Variants in PFKFB3 observed in about 807,000 individuals in gnomAD.
The protein encoded by PFKFB3 is 6-phosphofructo-2-kinase/fructose-2,6-bisphosphatase 3.
Under a neutral mutation model 68.0 loss-of-function variants are expected in PFKFB3, and 33 were observed. The observed-to-expected ratio is 0.49, with a 90% CI of 0.37 to 0.65. The LOEUF is 0.65. Ranked by LOEUF, PFKFB3 falls within the 30% of genes least tolerant of loss-of-function variation. The pLI is 0.00. For synonymous variants in PFKFB3, 315 were observed against 288.2 expected (o/e 1.09, Z -0.94); for missense variants, 586 against 712.2 (o/e 0.82, Z 2.02).
At chr10:6,224,594 CCTCA>C in intron 13 of PFKFB3, 1 of 416,064 alleles carries the variant, frequency 2.4e-6, no homozygotes, top group South Asian at 1.7e-5. Context: ...GATCCTCCCG[CCTCA>C]GCCTCCCGCG....
chr10:6,246,325 T>A (rs1256736635), intron 14 of PFKFB3, among the ~76,000 whole-genome samples: 1 of 145,980 alleles, frequency 6.9e-6, no homozygotes, highest in Non-Finnish European at 1.5e-5. Flanking sequence ...TTATTTATTT[T>A]ATTTATTATT....
At chr10:6,186,262 C>T (rs1392359147) in intron 1 of PFKFB3, among the ~76,000 whole-genome samples, 1 of 152,170 alleles carries the variant, frequency 6.6e-6, no homozygotes, top group Non-Finnish European at 1.5e-5. Context: ...ACTGGACCAG[C>T]AGTGGCTTAA....
At chr10:6,182,385 G>A (rs556689632) in intron 1 of PFKFB3, among the ~76,000 whole-genome samples, 1 of 152,304 alleles carries the variant, frequency 6.6e-6, no homozygotes, top group East Asian at 1.9e-4. Context: ...CAAACAAGTT[G>A]TCCTGCACCT....
chr10:6,307,031 T>C, the PFKFB3 span, among the ~76,000 whole-genome samples: 1 of 152,140 alleles, frequency 6.6e-6, no homozygotes, highest in African/African-American at 2.4e-5. Context: ...CTGATGTGGG[T>C]GGGCCTTGTC....
At chr10:6,199,031 A>G (rs2131842825), upstream of PFKFB3, among the ~76,000 whole-genome samples, 1 of 152,364 alleles carries the variant, frequency 6.6e-6, no homozygotes, top group South Asian at 2.1e-4. Context: ...TGAGTTACAA[A>G]TAATTTATTG....
intron 1 of PFKFB3, among the ~76,000 whole-genome samples, chr10:6,206,234 C>T (rs983359883): frequency 6.2e-5 from 9 of 144,772 alleles, no homozygotes; most frequent in African/African-American, 2.3e-4. Flanking sequence ...CCTGAGTGGA[C>T]ACAGCACATG....
At chr10:6,150,769 G>A (rs368278700) in intron 1 of PFKFB3, among the ~76,000 whole-genome samples, 2 of 151,894 alleles carry the variant, frequency 1.3e-5, no homozygotes. Context: ...AGGCCGAGGC[G>A]AGTGGATCAC....
At chr10:6,239,625 T>C (rs1846096327), downstream of PFKFB3, among the ~76,000 whole-genome samples, 1 of 152,192 alleles carries the variant, frequency 6.6e-6, no homozygotes, top group Non-Finnish European at 1.5e-5. Flanking sequence ...TCCCTACCTC[T>C]TCCAGACAGC....
chr10:6,254,111 T>C, intron 14 of PFKFB3: 1 of 387,422 alleles, frequency 2.6e-6, no homozygotes. Context: ...TTTTTTTTTT[T>C]TTTTCTCTTT....
Position 6,203,084 on chromosome 10 carries a change from C to A in PFKFB3, c.-177C>A. ...CTCGCAGCACACGTCGAGCCCCGCACAGGCGAGGGTCCGGAACTTAGCCCA... is the reference window on the plus strand; with the variant it reads ...CTCGCAGCACACGTCGAGCCCCGCAAAGGCGAGGGTCCGGAACTTAGCCCA... On this transcript the variant is annotated 5_prime_UTR_variant, in exon 1 of 15. Transcript: ENST00000379775. 7.0e-7 allele frequency: 1 copy of A among 1,423,772 alleles called. No individual in the cohort carries two copies. The highest frequency in any genetic ancestry group is 1.5e-5 in the South Asian group (1 of 66,012). 88.2% of individuals were successfully genotyped at this position (1,423,772 alleles called of 1,614,324 possible). A position where few individuals can be genotyped will look rare whatever the true frequency, so the allele number is the denominator to read the frequency against.
chr10:6,270,337 A>G, the PFKFB3 span, among the ~76,000 whole-genome samples: 1 of 152,194 alleles, frequency 6.6e-6, no homozygotes, highest in African/African-American at 2.4e-5. Context: ...AGTATAAGTT[A>G]CCTAATATTA....
At chr10:6,265,458 CAA>C in the PFKFB3 span, among the ~76,000 whole-genome samples, 13 of 152,074 alleles carry the variant, frequency 8.5e-5, no homozygotes, top group African/African-American at 1.4e-4. Flanking sequence ...GTTATTTTAT[CAA>C]ATGTTTCTCA....
Position 6,177,416 on chromosome 10 carries a change from TC to T in PFKFB3, c.16+32404del, listed in dbSNP as rs1564599752. Among the ~76,000 whole-genome samples the T allele has an allele frequency of 4.8e-3, 239 of 49,518 alleles. 1 individual carries two copies. The highest frequency in any genetic ancestry group is 0.034 in the Middle Eastern group (4 of 118). The allele number at this position is 49,518 out of a possible 152,430, so 32.5% of individuals were successfully genotyped here. A position where few individuals can be genotyped will look rare whatever the true frequency, so the allele number is the denominator to read the frequency against. On this transcript the variant is annotated intron_variant, in intron 1 of 14. Coordinates refer to the PFKFB3 transcript ENST00000379789. The stretch of plus-strand genomic sequence containing the variant: ...TCTTTCTTTCTTTCTTTCTTCTTTC[TC>T]TTTCTTCCTTTCTTTTCTTTCTCTT...
intron 1 of PFKFB3, among the ~76,000 whole-genome samples, chr10:6,182,631 C>A (rs372192489): frequency 1.3e-5 from 2 of 152,218 alleles, no homozygotes; most frequent in Non-Finnish European, 2.9e-5. Context: ...GCCTCGAGGC[C>A]CCCGCCTGTC....
chr10:6,221,786 A>T (rs551937396), intron 10 of PFKFB3, 41 bp downstream of exon 10: 1 of 1,348,676 alleles, frequency 7.4e-7, no homozygotes, highest in Non-Finnish European at 1.0e-6. Context: ...CCCAGCACAC[A>T]TGACCACTGC....
Position 6,210,359 on chromosome 10 carries a change from T to TTG in PFKFB3, c.77-3263_77-3262insGT, listed in dbSNP as rs1564623272. On this transcript the variant is annotated intron_variant, in intron 1 of 14. Transcript: ENST00000379775. ...TTGTTTTTTTTTGTTTTTTTTTGTT[T>TTG]TTTTGTTTTTTTTTTTTTTGAGACG... Among the ~76,000 whole-genome samples the TTG allele has an allele frequency of 2.6e-3, 83 of 31,620 alleles. 3 individuals carry two copies. The highest frequency in any genetic ancestry group is 4.1e-3 in the African/African-American group (81 of 19,902). The allele number at this position is 31,620 out of a possible 152,430, so 20.7% of individuals were successfully genotyped here.
chr10:6,173,274 C>G (rs1842365174), intron 1 of PFKFB3, among the ~76,000 whole-genome samples: 2 of 152,166 alleles, frequency 1.3e-5, no homozygotes, highest in Non-Finnish European at 2.9e-5. Context: ...TGTTTGCCAG[C>G]AGCCCACAAG....
the PFKFB3 span, among the ~76,000 whole-genome samples, chr10:6,283,472 A>G: frequency 7.0e-6 from 1 of 142,244 alleles, no homozygotes; most frequent in African/African-American, 2.8e-5. Flanking sequence ...TGCTGTGCCT[A>G]CTGAGTCCAA....
chr10:6,234,589 G>A lies in PFKFB3; in HGVS notation c.*1647G>A, dbSNP rs1449841643. On this transcript the variant is annotated 3_prime_UTR_variant, in exon 15 of 15. Transcript: ENST00000379775. ...CTGTCCGCATTCCCGTGCAGCTCCA[G>A]GCTCGCGCAGTTTTCTCTCTCTCCC... 6.6e-6 allele frequency: 1 copy of A among 152,208 alleles called. No homozygotes were observed. The highest frequency in any genetic ancestry group is 1.5e-5 in the Non-Finnish European group (1 of 68,046). 9.4% of individuals were successfully genotyped at this position (152,208 alleles called of 1,614,324 possible).
Sources: allele counts gnomAD v4.1 joint callset (sites outside exome capture counted in the v4.1 genomes callset), GRCh38; gene constraint gnomAD v4.1.1; transcripts MANE v1.5; gene names NCBI Gene and HGNC (gene_info 2026-07-23, HGNC 2026-07-21).